Variants in AMIGO2 observed in about 807,000 individuals in gnomAD.
AMIGO2 encodes the protein amphoterin-induced protein 2.
A neutral mutation model predicts 23.7 loss-of-function variants in AMIGO2; 15 were observed. The observed-to-expected ratio is 0.63, with a 90% CI of 0.42 to 0.98. The LOEUF (loss-of-function observed/expected upper bound fraction) is 0.98. Among genes scored for constraint, AMIGO2 ranks in the 50% least tolerant of loss-of-function variants. The probability of loss-of-function intolerance (pLI) is 0.00; values close to 1 mark genes in which losing one functional copy is unlikely to be tolerated. For synonymous variants in AMIGO2, 264 were observed against 252.3 expected, an observed-to-expected ratio of 1.05 and a Z score of -0.44; for missense variants, 561 against 633.1, an observed-to-expected ratio of 0.89 and a Z score of 1.22.
rs1941890547 is a variant in AMIGO2 at position 47,078,272 on chromosome 12, T to C, written c.731A>G (p.Tyr244Cys). 1 of 1,613,938 alleles carries C rather than the reference T, an allele frequency of 6.2e-7. No homozygotes were observed. Among genetic ancestry groups the C allele is most frequent in the Non-Finnish European group, 8.5e-7 (1 of 1,180,032 alleles). The change falls in exon 3 of 3, where the codon TAT (tyrosine) becomes TGT (cysteine). Residue 244 changes from tyrosine (Y) to cysteine (C), a missense_variant. By Grantham distance (194) the Tyr-to-Cys change is radical. Coordinates refer to ENST00000550413, the MANE Select transcript of AMIGO2 (RefSeq NM_001370299.1). ...CSLYSLLVFW[Y>C]RRHFSSVMDF... Reference sequence around the variant, plus strand: ...CATCACTGAGCTAAAGTGCCTACGATACCAAAAGACCAGCAAGGAGTACAG... The same window carrying C: ...CATCACTGAGCTAAAGTGCCTACGACACCAAAAGACCAGCAAGGAGTACAG...
rs748297368 is a variant in AMIGO2 at position 47,077,884 on chromosome 12, A to G, written c.1119T>C (p.Asn373=). The change falls in exon 3 of 3, where the codon AAT becomes AAC. Residue 373 remains asparagine (N), a synonymous_variant. Transcript: ENST00000550413. ...CATTTATTGTGACGTCCACAGTTTC[A>G]TTTAACAGGCGTTGCTTATTCATTG... ...CIAMNKQRLL[N]ETVDVTINVS... 4 of 1,614,208 alleles carry G rather than the reference A, an allele frequency of 2.5e-6. No individual in the cohort carries two copies. In the South Asian group the frequency reaches 3.3e-5, roughly 13 times the overall value.
Position 47,077,792 on chromosome 12 carries a change from G to C in AMIGO2, c.1211C>G (p.Ala404Gly), listed in dbSNP as rs1484844114. ...CAAAACGATACTGGCCACGCAAGCAGCAAGAGTGGTAAAAGCTGTGTTAAA... is the reference window on the plus strand; with the variant it reads ...CAAAACGATACTGGCCACGCAAGCACCAAGAGTGGTAAAAGCTGTGTTAAA... ...EAFNTAFTTL[A>G]ACVASIVLVL... is the part of the protein sequence containing the mutation. Residue 404 changes from alanine (A) to glycine (G), a missense_variant, in exon 3 of 3, where the codon GCT becomes GGT. Transcript: ENST00000550413. 15 of 1,614,086 alleles carry C rather than the reference G, an allele frequency of 9.3e-6. No individual in the cohort carries two copies. The highest frequency in any genetic ancestry group is 1.3e-5 in the Non-Finnish European group (15 of 1,180,030).
In AMIGO2 at chr12:47,077,168, G is replaced by A. The variant is rs908426181; in HGVS notation, c.*266C>T. 2 of 401,886 alleles carry A rather than the reference G, an allele frequency of 5.0e-6. No homozygotes were observed. Among genetic ancestry groups the A allele is most frequent in the Non-Finnish European group, 8.9e-6 (2 of 224,612 alleles). The allele number at this position is 401,886 out of a possible 1,614,324, so 24.9% of individuals were successfully genotyped here. A position where few individuals can be genotyped will look rare whatever the true frequency, so the allele number is the denominator to read the frequency against. On this transcript the variant is annotated 3_prime_UTR_variant, in exon 3 of 3. Coordinates refer to ENST00000550413, the MANE Select transcript of AMIGO2 (RefSeq NM_001370299.1). ...GGACAATGGGAGTCATATCACCTTT[G>A]GGCCTACTCTGAAATTACCAATAGT...
chr12:47,076,426 TA>T (rs1320937696), downstream of AMIGO2: 2 of 43,210 alleles, frequency 4.6e-5, no homozygotes, highest in South Asian at 9.0e-4. Context: ...CCTCCCCCTT[TA>T]AAAAAATCAA....
In AMIGO2 at chr12:47,077,453, G is replaced by A. The variant is rs1293406703; in HGVS notation, c.1550C>T (p.Pro517Leu). Residue 517 changes from proline (P) to leucine (L), a missense_variant, in exon 3 of 3, where the codon CCT becomes CTT. By Grantham distance (98) the Pro-to-Leu change is moderately conservative. Coordinates refer to ENST00000550413, the MANE Select transcript of AMIGO2 (RefSeq NM_001370299.1). ...DSVNSVFSDTPFVAST is the reference protein window; with the variant it reads ...DSVNSVFSDTLFVAST Reference sequence around the variant, plus strand: ...CACAAATTAAGTGGACGCCACAAAAGGTGTGTCAGAAAACACTGAATTGAC... The same window carrying A: ...CACAAATTAAGTGGACGCCACAAAAAGTGTGTCAGAAAACACTGAATTGAC... 1 of 1,613,052 alleles carries A rather than the reference G, an allele frequency of 6.2e-7. No individual in the cohort carries two copies. The highest frequency in any genetic ancestry group is 1.1e-5 in the South Asian group (1 of 91,038).
Position 47,077,650 on chromosome 12 carries a change from A to G in AMIGO2, c.1353T>C (p.Ser451=), listed in dbSNP as rs760467570. The part of the protein sequence containing the change: ...HSSILSPGPA[S]DASADERKAG... ...CCTTCCGTTCATCAGCGGAGGCATCACTAGCGGGGCCAGGACTGAGAATCG... is the reference window on the plus strand; with the variant it reads ...CCTTCCGTTCATCAGCGGAGGCATCGCTAGCGGGGCCAGGACTGAGAATCG... Residue 451 remains serine (S), a synonymous_variant, in exon 3 of 3, where the codon AGT becomes AGC. Transcript: ENST00000550413. 2.5e-6 allele frequency: 4 copies of G among 1,614,192 alleles called. No homozygotes were observed. Among genetic ancestry groups the G allele is most frequent in the Non-Finnish European group, 3.4e-6 (4 of 1,180,026 alleles).
At position 47,077,831 on chromosome 12, in the gene AMIGO2, T is replaced by C; in HGVS notation, c.1172A>G (p.His391Arg). Residue 391 changes from histidine to arginine, a missense_variant, in exon 3 of 3, where the codon CAT becomes CGT. By Grantham distance (29) the His-to-Arg change is conservative. Coordinates refer to ENST00000550413, the MANE Select transcript of AMIGO2 (RefSeq NM_001370299.1). ...AGCTGTGTTAAATGCCTCATGAGCATGGGATCTGCTTACAGTGAAATTGCT... is the reference window on the plus strand; with the variant it reads ...AGCTGTGTTAAATGCCTCATGAGCACGGGATCTGCTTACAGTGAAATTGCT... ...NVSNFTVSRS[H>R]AHEAFNTAFT... is the part of the protein sequence containing the mutation. 2.5e-6 allele frequency: 4 copies of C among 1,614,224 alleles called. No homozygotes were observed. Among genetic ancestry groups the C allele is most frequent in the Non-Finnish European group, 3.4e-6 (4 of 1,180,026 alleles).
At position 47,076,614 on chromosome 12, in the gene AMIGO2, G is replaced by A. The variant is rs1443460673; in HGVS notation, c.*820C>T. 6.6e-6 allele frequency: 1 copy of A among 152,540 alleles called. No homozygotes were observed. The highest frequency in any genetic ancestry group is 1.5e-5 in the Non-Finnish European group (1 of 68,028). 9.4% of individuals were successfully genotyped at this position (152,540 alleles called of 1,614,324 possible). A position where few individuals can be genotyped will look rare whatever the true frequency, so the allele number is the denominator to read the frequency against. On this transcript the variant is annotated 3_prime_UTR_variant, in exon 3 of 3. Transcript: ENST00000550413. ...AATGTCCAAAGCACAGTACAGTAGG[G>A]TCTATTTAATAGTTCACATAATTTA...
At position 47,078,224 on chromosome 12, in the gene AMIGO2, C is replaced by T; in HGVS notation, c.779G>A (p.Cys260Tyr). The change falls in exon 3 of 3, where the codon TGT becomes TAT. Residue 260 changes from cysteine to tyrosine, a missense_variant. Cys to Tyr is a radical substitution (Grantham distance 194). Coordinates refer to ENST00000550413, the MANE Select transcript of AMIGO2 (RefSeq NM_001370299.1). ...GTGCCTGGAGTCAGACCACAGGCGA[C>T]AGGTGTAATCGTTCTTAAAATCCAT... Reference protein sequence around the residue: ...SVMDFKNDYTCRLWSDSRHSR... With the variant: ...SVMDFKNDYTYRLWSDSRHSR... The T allele has an allele frequency of 6.2e-7, 1 of 1,614,184 alleles. No homozygotes were observed. The highest frequency in any genetic ancestry group is 8.5e-7 in the Non-Finnish European group (1 of 1,180,036).
chr12:47,078,429 C>T lies in AMIGO2; in HGVS notation c.574G>A (p.Ala192Thr). ...GAAACATCTAAAAACATCAGTTCTG[C>T]CAGCTTGAACCTTCCAACATACAAA... ...MDLYVGRFKL[A>T]ELMFLDVSYN... Residue 192 changes from alanine (A) to threonine (T), a missense_variant, in exon 3 of 3, where the codon GCA becomes ACA. Transcript: ENST00000550413. 3.1e-6 allele frequency: 5 copies of T among 1,614,130 alleles called. No individual in the cohort carries two copies. Among genetic ancestry groups the T allele is most frequent in the African/African-American group, 1.3e-5 (1 of 75,030 alleles).
chr12:47,078,613 C>G lies in AMIGO2; in HGVS notation c.390G>C (p.Lys130Asn), dbSNP rs1941897886. 6.2e-7 allele frequency: 1 copy of G among 1,614,076 alleles called. No individual in the cohort carries two copies. Among genetic ancestry groups the G allele is most frequent in the Admixed American group, 1.7e-5 (1 of 60,010 alleles). Residue 130 changes from lysine (K) to asparagine (N), a missense_variant, in exon 3 of 3, where the codon AAG becomes AAC. By Grantham distance (94) the Lys-to-Asn change is moderately conservative. Coordinates refer to ENST00000550413, the MANE Select transcript of AMIGO2 (RefSeq NM_001370299.1). ...CTTGGAATACAGCATTTTTCACCGT[C>G]TTCAGCTTATTGGACGATAAGTCAA... ...KCLDLSSNKL[K>N]TVKNAVFQEL...
Position 47,078,735 on chromosome 12 carries a change from C to G in AMIGO2, c.268G>C (p.Val90Leu), listed in dbSNP as rs112239025. 1 of 1,614,232 alleles carries G rather than the reference C, an allele frequency of 6.2e-7. No homozygotes were observed. Among genetic ancestry groups the G allele is most frequent in the Non-Finnish European group, 8.5e-7 (1 of 1,180,054 alleles). ...AGGGTGTTCAGCTTTGCAAACGATA[C>G]TGGAATCCACTCAGAATCCAGAAGC... ...IGLLDSEWIPVSFAKLNTLIL... is the reference protein window; with the variant it reads ...IGLLDSEWIPLSFAKLNTLIL... The change falls in exon 3 of 3, where the codon GTA (valine) becomes CTA (leucine). Residue 90 changes from valine (V) to leucine (L), a missense_variant. By Grantham distance (32) the Val-to-Leu change is conservative (BLOSUM62 1). Transcript: ENST00000550413.
chr12:47,078,710 A>T lies in AMIGO2; in HGVS notation c.293T>A (p.Leu98Gln). Residue 98 changes from leucine (L) to glutamine (Q), a missense_variant, in exon 3 of 3, where the codon CTA becomes CAA. Physicochemically the swap from Leu to Gln is moderately radical, Grantham distance 113. Transcript: ENST00000550413. ...GGTGATGTTGTTATGACGAAGAATT[A>T]GGGTGTTCAGCTTTGCAAACGATAC... The part of the protein sequence containing the change: ...IPVSFAKLNT[L>Q]ILRHNNITSI... The T allele has an allele frequency of 6.2e-7, 1 of 1,614,230 alleles. No homozygotes were observed. The highest frequency in any genetic ancestry group is 8.5e-7 in the Non-Finnish European group (1 of 1,180,044).
rs774168105 is a variant in AMIGO2, at chr12:47,078,055, A to T, written c.948T>A (p.Asn316Lys). 1 of 1,614,134 alleles carries T rather than the reference A, an allele frequency of 6.2e-7. No homozygotes were observed. The highest frequency in any genetic ancestry group is 8.5e-7 in the Non-Finnish European group (1 of 1,180,034). The change falls in exon 3 of 3, where the codon AAT (asparagine) becomes AAA (lysine). Residue 316 changes from asparagine (N) to lysine (K), a missense_variant. Asn to Lys is a moderately conservative substitution (Grantham distance 94). Coordinates refer to ENST00000550413, the MANE Select transcript of AMIGO2 (RefSeq NM_001370299.1). Reference sequence around the variant, plus strand: ...CCACCCAGATGAAATCCGTATTTGCATTACCTGTCTTGCTGTCACAGTGGA... The same window carrying T: ...CCACCCAGATGAAATCCGTATTTGCTTTACCTGTCTTGCTGTCACAGTGGA... The part of the protein sequence containing the change: ...LMVHCDSKTG[N>K]ANTDFIWVGP...
Position 47,078,998 on chromosome 12 carries a change from G to T in AMIGO2, c.5C>A (p.Ser2Ter). ...GGTGGGCAGAGTGTGTACACGTAAC[G>T]ACATTATGGTCGCCTCTGAGTCTCT... M[S>*]LRVHTLPTLL... Residue 2 changes from serine to a stop codon, truncating the protein, a stop_gained, in exon 3 of 3, where the codon TCG becomes TAG. Coordinates refer to ENST00000550413, the MANE Select transcript of AMIGO2 (RefSeq NM_001370299.1). LOFTEE classifies it high-confidence loss of function. 1 of 1,587,286 alleles carries T rather than the reference G, an allele frequency of 6.3e-7. No individual in the cohort carries two copies. The highest frequency in any genetic ancestry group is 1.1e-5 in the South Asian group (1 of 87,692).
Position 47,079,160 on chromosome 12 carries a change from A to C in AMIGO2, c.-82T>G. The C allele has an allele frequency of 9.5e-7, 1 of 1,057,062 alleles. No homozygotes were observed. Among genetic ancestry groups the C allele is most frequent in the Non-Finnish European group, 1.3e-6 (1 of 758,384 alleles). 65.5% of individuals were successfully genotyped at this position (1,057,062 alleles called of 1,614,324 possible). On this transcript the variant is annotated 5_prime_UTR_variant, in exon 2 of 3. Coordinates refer to ENST00000550413, the MANE Select transcript of AMIGO2 (RefSeq NM_001370299.1). ...GCCATACCTTACTTTCTTTCCAATAACTTTTGAAATGGGTTTTATTTCACA... is the reference window on the plus strand; with the variant it reads ...GCCATACCTTACTTTCTTTCCAATACCTTTTGAAATGGGTTTTATTTCACA...
Position 47,078,796 on chromosome 12 carries a change from C to G in AMIGO2, c.207G>C (p.Leu69=). 6.2e-7 allele frequency: 1 copy of G among 1,614,218 alleles called. No individual in the cohort carries two copies. The highest frequency in any genetic ancestry group is 8.5e-7 in the Non-Finnish European group (1 of 1,180,046). ...TATAACTCAGGTCCAGTCTCTTAAT[C>G]AGTCTGAAAAGGTTCCCAGGCACCT... ...LSKVPGNLFR[L]IKRLDLSYNR... is the part of the protein sequence containing the mutation. The change falls in exon 3 of 3, where the codon CTG becomes CTC. Residue 69 remains leucine (L), a synonymous_variant. Coordinates refer to ENST00000550413, the MANE Select transcript of AMIGO2 (RefSeq NM_001370299.1).
Position 47,079,618 on chromosome 12 carries a change from T to C in AMIGO2, c.-327A>G, listed in dbSNP as rs1941922939. On this transcript the variant is annotated 5_prime_UTR_variant, in exon 1 of 3. Coordinates refer to ENST00000550413, the MANE Select transcript of AMIGO2 (RefSeq NM_001370299.1). ...GCACCCTCTAGCCGGCTCTCAACTT[T>C]GAGGAGTTTCAAGCAGCCGCGGCGG... 1.3e-5 allele frequency: 2 copies of C among 152,592 alleles called. No individual in the cohort carries two copies. Among genetic ancestry groups the C allele is most frequent in the Admixed American group, 6.6e-5 (1 of 15,254 alleles). 9.5% of individuals were successfully genotyped at this position (152,592 alleles called of 1,614,324 possible).
rs777587841 is a variant in AMIGO2 at position 47,078,399 on chromosome 12, T to C, written c.604A>G (p.Asn202Asp). Reference sequence around the variant, plus strand: ...TGCATTGGCATGGAAGGAATTCGGTTATAAGAAACATCTAAAAACATCAGT... The same window carrying C: ...TGCATTGGCATGGAAGGAATTCGGTCATAAGAAACATCTAAAAACATCAGT... ...AELMFLDVSY[N>D]RIPSMPMHHI... Residue 202 changes from asparagine to aspartate, a missense_variant, in exon 3 of 3, where the codon AAC (asparagine) becomes GAC (aspartate). By Grantham distance (23) the Asn-to-Asp change is conservative. Coordinates refer to ENST00000550413, the MANE Select transcript of AMIGO2 (RefSeq NM_001370299.1). 6.2e-7 allele frequency: 1 copy of C among 1,614,122 alleles called. No individual in the cohort carries two copies. Among genetic ancestry groups the C allele is most frequent in the South Asian group, 1.1e-5 (1 of 91,080 alleles).
Sources: gnomAD v4.1 joint callset for allele counts on GRCh38, gnomAD v4.1.1 for gene constraint, MANE v1.5 for transcripts, NCBI Gene and HGNC (gene_info 2026-07-23, HGNC 2026-07-21) for gene names.